Variants in SHISA9 observed in about 807,000 individuals in gnomAD.
SHISA9 encodes the protein protein shisa-9.
In SHISA9, 13 loss-of-function variants were observed where a neutral mutation model predicts 38.0. The ratio of observed to expected loss-of-function variants is 0.34; its 90% confidence interval spans 0.22 to 0.54. The LOEUF (loss-of-function observed/expected upper bound fraction) is 0.54. Ranked by LOEUF, SHISA9 falls within the 20% of genes least tolerant of loss-of-function variation. The probability of loss-of-function intolerance (pLI) is 0.91; values close to 1 mark genes in which losing one functional copy is unlikely to be tolerated. For synonymous variants in SHISA9, 275 were observed against 242.0 expected (o/e 1.14, Z -1.27); for missense variants, 538 against 575.8 (o/e 0.93, Z 0.67).
At chr16:13,501,224 G>A in the SHISA9 span, among the ~76,000 whole-genome samples, 1 of 152,122 alleles carries the variant, frequency 6.6e-6, no homozygotes, top group Admixed American at 6.5e-5. Context: ...GGCATCTAGT[G>A]GGAAGAGGAA....
At chr16:13,025,818 T>TG (rs1567186507) in intron 2 of SHISA9, among the ~76,000 whole-genome samples, 2 of 152,206 alleles carry the variant, frequency 1.3e-5, no homozygotes. Flanking sequence ...ACATTTTTTT[T>TG]GGGGGGGATG....
At chr16:13,075,359 C>A (rs2073568247) in intron 2 of SHISA9, among the ~76,000 whole-genome samples, 1 of 152,172 alleles carries the variant, frequency 6.6e-6, no homozygotes, top group South Asian at 2.1e-4. Flanking sequence ...GGCTGGCTGG[C>A]AGGAGGAGCT....
chr16:13,094,286 C>T (rs1295303139), intron 2 of SHISA9, among the ~76,000 whole-genome samples: 1 of 152,156 alleles, frequency 6.6e-6, no homozygotes, highest in East Asian at 1.9e-4. Context: ...AACTTCCCAT[C>T]CTTGGAAGAT....
At chr16:13,394,300 C>T in the SHISA9 span, among the ~76,000 whole-genome samples, 1 of 152,156 alleles carries the variant, frequency 6.6e-6, no homozygotes, top group African/African-American at 2.4e-5. Flanking sequence ...GCGTTAATGT[C>T]CTTGTTTACA....
the SHISA9 span, among the ~76,000 whole-genome samples, chr16:13,290,025 A>G: frequency 6.6e-6 from 1 of 152,212 alleles, no homozygotes; most frequent in Non-Finnish European, 1.5e-5. Flanking sequence ...GCATTTATTC[A>G]ACAAATATTT....
intron 2 of SHISA9, among the ~76,000 whole-genome samples, chr16:13,089,479 G>A (rs62028918): frequency 0.049 from 7,406 of 152,122 alleles, 267 homozygotes; most frequent in Non-Finnish European, 0.07. Context: ...CAATTACAGA[G>A]CCTGTTATTG....
intron 2 of SHISA9, among the ~76,000 whole-genome samples, chr16:13,111,603 A>ATC (rs1344656403): frequency 6.6e-6 from 1 of 152,204 alleles, no homozygotes; most frequent in Admixed American, 6.5e-5. Flanking sequence ...AACATTAACT[A>ATC]TCATTACTAT....
chr16:13,459,430 A>T, the SHISA9 span, among the ~76,000 whole-genome samples: 1 of 152,158 alleles, frequency 6.6e-6, no homozygotes, highest in African/African-American at 2.4e-5. Flanking sequence ...AGGGAGTGGT[A>T]TCAGTAGAAG....
In SHISA9 at chr16:13,016,511, C is replaced by A. The variant is rs150880240; in HGVS notation, c.691+99696C>A. 1.1e-4 allele frequency among the ~76,000 whole-genome samples: 16 copies of A among 152,268 alleles called. No individual in the cohort carries two copies. In the East Asian group the frequency reaches 3.1e-3, roughly 29 times the overall value. On this transcript the variant is annotated intron_variant, in intron 2 of 4. Coordinates refer to ENST00000558583, the MANE Select transcript of SHISA9 (RefSeq NM_001145204.3). ...GTGGTGAGGGCAGAGAATATTAATG[C>A]CTCTGGGAAGAAGACTCAGGTGAGC...
At chr16:13,380,714 C>T in the SHISA9 span, among the ~76,000 whole-genome samples, 208 of 152,152 alleles carry the variant, frequency 1.4e-3, no homozygotes, top group African/African-American at 4.9e-3. Context: ...GTTACATTTG[C>T]AGAATGTACA....
chr16:13,140,401 T>A (rs1374035172), intron 2 of SHISA9, among the ~76,000 whole-genome samples: 1 of 151,980 alleles, frequency 6.6e-6, no homozygotes, highest in Non-Finnish European at 1.5e-5. Flanking sequence ...GGTCTCAAAC[T>A]CCTGACCTCA....
the SHISA9 span, among the ~76,000 whole-genome samples, chr16:13,248,478 C>A: frequency 2.0e-5 from 3 of 152,142 alleles, no homozygotes. Flanking sequence ...TGTCAGATAA[C>A]CTTGGATTTG....
At chr16:13,515,584 C>CATA in the SHISA9 span, among the ~76,000 whole-genome samples, 1 of 152,124 alleles carries the variant, frequency 6.6e-6, no homozygotes, top group African/African-American at 2.4e-5. Context: ...GTCCTTGCCT[C>CATA]TCAAACAAGT....
the SHISA9 span, among the ~76,000 whole-genome samples, chr16:13,479,673 C>T: frequency 6.6e-6 from 1 of 152,172 alleles, no homozygotes; most frequent in Non-Finnish European, 1.5e-5. Flanking sequence ...ATATTCCCTT[C>T]CTCACGGCTG....
At chr16:13,015,882 CTTTCTTTCTTTCTTTCTTTCTT>C (rs2072742361) in intron 2 of SHISA9, among the ~76,000 whole-genome samples, 23 of 113,180 alleles carry the variant, frequency 2.0e-4, no homozygotes, top group Middle Eastern at 4.3e-3. Flanking sequence ...TTCTTTCTTT[CTTTCTTTCTTTCTTTCTTTCTT>C]TCTTTTCTTT....
At chr16:13,208,854 GGGTGCTTAGTAA>G (rs936767531) in intron 3 of SHISA9, among the ~76,000 whole-genome samples, 50 of 152,208 alleles carry the variant, frequency 3.3e-4, no homozygotes, top group Middle Eastern at 3.4e-3. Context: ...GTGTCATGTG[GGGTGCTTAGTAA>G]GGACTCCCAA....
chr16:13,318,152 CT>C, the SHISA9 span, among the ~76,000 whole-genome samples: 1 of 152,052 alleles, frequency 6.6e-6, no homozygotes, highest in African/African-American at 2.4e-5. Flanking sequence ...AGGTCATAAA[CT>C]TAAGGAATAA....
At chr16:13,283,645 A>T in the SHISA9 span, among the ~76,000 whole-genome samples, 2 of 151,978 alleles carry the variant, frequency 1.3e-5, no homozygotes, top group African/African-American at 2.4e-5. Context: ...CTCCCACCAG[A>T]TCCCTCCCAC....
the SHISA9 span, among the ~76,000 whole-genome samples, chr16:13,440,252 A>G: frequency 6.6e-6 from 1 of 152,260 alleles, no homozygotes; most frequent in Non-Finnish European, 1.5e-5. Context: ...CCATTTGTAT[A>G]CCCTCTAATT....
Sources: allele counts gnomAD v4.1 joint callset (sites outside exome capture counted in the v4.1 genomes callset), GRCh38; gene constraint gnomAD v4.1.1; transcripts MANE v1.5; gene names NCBI Gene and HGNC (gene_info 2026-07-23, HGNC 2026-07-21).